Variants in PROX1 observed in about 807,000 individuals in gnomAD.
PROX1 encodes prospero homeobox protein 1.
In PROX1, 7 loss-of-function variants were observed where a neutral mutation model predicts 58.8. The ratio of observed to expected loss-of-function variants is 0.12; its 90% CI spans 0.07 to 0.22. The LOEUF is 0.22. Among genes scored for constraint, PROX1 ranks in the 10% least tolerant of loss-of-function variants. The pLI is 1.00. For missense variants in PROX1, 675 were observed against 927.8 expected (o/e 0.73, Z 3.54); for synonymous variants, 350 against 358.3 (o/e 0.98, Z 0.26).
At chr1:213,994,363 T>G (rs1197817754) in intron 1 of PROX1, among the ~76,000 whole-genome samples, 1 of 152,124 alleles carries the variant, frequency 6.6e-6, no homozygotes, top group Non-Finnish European at 1.5e-5. Context: ...GATGTAAAAT[T>G]TAAAAATAAG....
intron 4 of PROX1, chr1:214,030,186 A>T (rs553624240): frequency 4.0e-5 from 6 of 151,542 alleles, no homozygotes; most frequent in East Asian, 1.9e-4. Context: ...TTTATAGTAT[A>T]AAAAAAAATG....
chr1:213,997,095 A>G lies in PROX1; in HGVS notation c.560A>G (p.Asn187Ser), dbSNP rs753017493. The G allele has an allele frequency of 6.2e-6, 10 of 1,613,776 alleles. No individual in the cohort carries two copies. Among genetic ancestry groups the G allele is most frequent in the Non-Finnish European group, 8.5e-6 (10 of 1,179,938 alleles). ...TCCCCCAGTGTGGCATTAAGGGGCA[A>G]TGAAAATGAAAGAGAGATGGCCCCG... ...SHSPSVALRG[N>S]ENEREMAPQS... is the part of the protein sequence containing the mutation. Residue 187 changes from asparagine to serine, a missense_variant, in exon 2 of 5, where the codon AAT becomes AGT. Asn to Ser is a conservative substitution (Grantham distance 46). This residue lies in a region of PROX1 where 403 missense variants were observed against 477.4 expected (regional missense o/e 0.84). Transcript: ENST00000366958. This position sits in a 1 kb window ranked among gnomAD's most constrained non-coding sequence, Gnocchi z 7.1.
intron 2 of PROX1, among the ~76,000 whole-genome samples, chr1:214,000,884 G>T (rs1426146811): frequency 6.6e-6 from 1 of 152,112 alleles, no homozygotes; most frequent in African/African-American, 2.4e-5. Flanking sequence ...AAATATCTGG[G>T]AATCACAGTG....
intron 3 of PROX1, among the ~76,000 whole-genome samples, chr1:214,007,127 C>T (rs1325167344): frequency 6.6e-6 from 1 of 152,192 alleles, no homozygotes; most frequent in African/African-American, 2.4e-5. Context: ...TTATAAATAC[C>T]ATGCAATACA....
chr1:214,005,756 T>C (rs1348873822), intron 3 of PROX1, among the ~76,000 whole-genome samples: 1 of 152,190 alleles, frequency 6.6e-6, no homozygotes, highest in African/African-American at 2.4e-5. Flanking sequence ...ACAAAAGTGA[T>C]GATTGTCTCT....
rs752227508 is a variant in PROX1, at chr1:213,997,775, G to A, written c.1240G>A (p.Asp414Asn). 5 of 1,614,210 alleles carry A rather than the reference G, an allele frequency of 3.1e-6. No individual in the cohort carries two copies. The highest frequency in any genetic ancestry group is 1.7e-5 in the Admixed American group (1 of 60,024). ...TANQRLQCFG[D>N]VIIPNPLDTF... ...CAACCAGCGCCTGCAGTGCTTTGGC[G>A]ACGTCATCATTCCGAACCCCCTGGA... Residue 414 changes from aspartate (D) to asparagine (N), a missense_variant, in exon 2 of 5, where the codon GAC becomes AAC. Coordinates refer to ENST00000366958, the MANE Select transcript of PROX1 (RefSeq NM_001270616.2). The surrounding 1 kb of genome is among the most constrained non-coding windows in gnomAD (Gnocchi z 7.1).
intron 3 of PROX1, among the ~76,000 whole-genome samples, chr1:214,005,481 TG>T (rs1258084524): frequency 6.6e-6 from 1 of 152,232 alleles, no homozygotes; most frequent in Non-Finnish European, 1.5e-5. Flanking sequence ...GTTAATAAGT[TG>T]CATGGGTTTC....
intron 2 of PROX1, among the ~76,000 whole-genome samples, chr1:214,000,043 TACACACACACACACACACACACAGAC>T (rs1663441082): frequency 6.7e-6 from 1 of 149,146 alleles, no homozygotes; most frequent in Non-Finnish European, 1.5e-5. Context: ...CTCTCTCTCT[TACACACACACACACACACACACAGAC>T]ACACACACAC....
Position 213,997,354 on chromosome 1 carries a change from C to T in PROX1, c.819C>T (p.Asn273=). 6.2e-7 allele frequency: 1 copy of T among 1,614,068 alleles called. No individual in the cohort carries two copies. Residue 273 remains asparagine (N), a synonymous_variant, in exon 2 of 5, where the codon AAC becomes AAT. Transcript: ENST00000366958. The surrounding 1 kb of genome is among the most constrained non-coding windows in gnomAD (Gnocchi z 7.1). ...ATTCGGAAAATGATGAAGATGGTAA[C>T]CTGTCTGAAGACAGCATGCGCTCGG... ...STDSENDEDG[N]LSEDSMRSEI...
chr1:214,035,649 G>T lies in PROX1; in HGVS notation c.2029G>T (p.Val677Phe), dbSNP rs1322671296. The change falls in exon 5 of 5, where the codon GTT becomes TTT. Residue 677 changes from valine to phenylalanine, a missense_variant and splice_region_variant. By Grantham distance (50) the Val-to-Phe change is conservative (BLOSUM62 -1). Coordinates refer to ENST00000366958, the MANE Select transcript of PROX1 (RefSeq NM_001270616.2). ...TGCCATTGTCTCCTTGTATCAGCAG[G>T]TTCCAGAGAGATTCCTGGAAGTTGC... ...MHYNKANDFE[V>F]PERFLEVAQI... 1 of 1,610,768 alleles carries T rather than the reference G, an allele frequency of 6.2e-7. No homozygotes were observed. Among genetic ancestry groups the T allele is most frequent in the African/African-American group, 1.3e-5 (1 of 74,944 alleles).
chr1:214,009,633 C>T (rs896746974), intron 3 of PROX1, among the ~76,000 whole-genome samples: 1 of 152,158 alleles, frequency 6.6e-6, no homozygotes, highest in African/African-American at 2.4e-5. Context: ...CATTCTCCAA[C>T]AATAAGCTTT....
intron 4 of PROX1, among the ~76,000 whole-genome samples, chr1:214,022,030 C>G (rs1269914185): frequency 6.6e-6 from 1 of 152,186 alleles, no homozygotes; most frequent in Non-Finnish European, 1.5e-5. Flanking sequence ...AAATGTTCAC[C>G]TGCAAGTAGT....
chr1:214,040,554 C>G lies in PROX1; in HGVS notation c.*4720C>G, dbSNP rs1290374395. ...TATTTGGGATTGGTCTCAGCGCTAC[C>G]TAGAAGAATCAAAGGTCATGGCTTC... On this transcript the variant is annotated 3_prime_UTR_variant, in exon 5 of 5. Coordinates refer to ENST00000366958, the MANE Select transcript of PROX1 (RefSeq NM_001270616.2). 1 of 152,054 alleles carries G rather than the reference C, an allele frequency of 6.6e-6. No individual in the cohort carries two copies. Among genetic ancestry groups the G allele is most frequent in the Non-Finnish European group, 1.5e-5 (1 of 67,994 alleles). 9.4% of individuals were successfully genotyped at this position (152,054 alleles called of 1,614,324 possible).
chr1:213,986,810 T>C (rs566913278), upstream of PROX1, among the ~76,000 whole-genome samples: 21 of 152,234 alleles, frequency 1.4e-4, no homozygotes, highest in Non-Finnish European at 2.5e-4. Context: ...AGGGACGTTC[T>C]AGCTGCGGCT....
At chr1:214,021,448 C>A (rs1664276709) in intron 4 of PROX1, among the ~76,000 whole-genome samples, 1 of 152,242 alleles carries the variant, frequency 6.6e-6, no homozygotes, top group African/African-American at 2.4e-5. Context: ...ATTACTCCCT[C>A]TTAATCTTCA....
intron 4 of PROX1, among the ~76,000 whole-genome samples, chr1:214,031,078 C>T (rs928311269): frequency 9.3e-5 from 14 of 151,238 alleles, no homozygotes; most frequent in Non-Finnish European, 1.8e-4. Context: ...CGCGCGCGCG[C>T]ATTCGCGCAC....
At position 213,997,931 on chromosome 1, in the gene PROX1, C is replaced by A; in HGVS notation, c.1396C>A (p.Gln466Lys). 1.9e-6 allele frequency: 3 copies of A among 1,613,772 alleles called. No individual in the cohort carries two copies. The highest frequency in any genetic ancestry group is 2.5e-6 in the Non-Finnish European group (3 of 1,179,798). ...AAGGHHQPLH[Q>K]SPLSATTGFT... ...TGGCGGCCACCACCAGCCCCTGCACCAGTCGCCTCTCTCTGCCACCACGGG... is the reference window on the plus strand; with the variant it reads ...TGGCGGCCACCACCAGCCCCTGCACAAGTCGCCTCTCTCTGCCACCACGGG... Residue 466 changes from glutamine to lysine, a missense_variant, in exon 2 of 5, where the codon CAG becomes AAG. Around this residue, in one of 8 missense-constraint regions of PROX1, gnomAD observed 403 missense variants for 477.4 expected, o/e 0.84. Coordinates refer to ENST00000366958, the MANE Select transcript of PROX1 (RefSeq NM_001270616.2). This position sits in a 1 kb window ranked among gnomAD's most constrained non-coding sequence, Gnocchi z 7.1.
chr1:214,011,255 C>A (rs781603918), intron 3 of PROX1, among the ~76,000 whole-genome samples: 3 of 152,154 alleles, frequency 2.0e-5, no homozygotes, highest in African/African-American at 7.2e-5. Flanking sequence ...TAAAGATGTT[C>A]GGCTTAAGGA....
In PROX1 at chr1:214,031,573, G is replaced by A. The variant is rs1664659992; in HGVS notation, c.2029-4076G>A. On this transcript the variant is annotated intron_variant, in intron 4 of 4. Coordinates refer to ENST00000366958, the MANE Select transcript of PROX1 (RefSeq NM_001270616.2). The stretch of plus-strand genomic sequence containing the variant: ...CACCTGATGCTGAGGAGATACTCTA[G>A]GGTTCATTCTGCAGATTGTTGGGTT... Among the ~76,000 whole-genome samples, 3 of 152,060 alleles carry A rather than the reference G, an allele frequency of 2.0e-5. No individual in the cohort carries two copies. In the South Asian group the frequency reaches 6.2e-4, roughly 32 times the overall value.
Sources: gnomAD v4.1 joint callset for allele counts (sites outside exome capture counted in the v4.1 genomes callset) on GRCh38, gnomAD v4.1.1 for gene constraint, gnomAD v4.1.1 regional missense constraint, Gnocchi (gnomAD v3.1) non-coding constraint, MANE v1.5 for transcripts, NCBI Gene and HGNC (gene_info 2026-07-23, HGNC 2026-07-21) for gene names.